Variants in KLHDC4 observed in about 807,000 individuals in gnomAD.
KLHDC4 encodes the protein kelch domain containing 4.
In KLHDC4, 90 loss-of-function variants were observed where a neutral mutation model predicts 62.4. That is an observed-to-expected ratio of 1.44 (90% CI 1.22 to 1.72). The LOEUF is 1.72. Ranked by LOEUF, KLHDC4 falls within the 40% of genes most tolerant of loss-of-function variation. The pLI is 0.00. For synonymous variants in KLHDC4, 386 were observed against 284.4 expected (o/e 1.36, Z -3.59); for missense variants, 1,025 against 699.7 (o/e 1.47, Z -5.25).
intron 5 of KLHDC4, among the ~76,000 whole-genome samples, chr16:87,732,234 T>C (rs2040510034): frequency 6.6e-6 from 1 of 152,050 alleles, no homozygotes; most frequent in Non-Finnish European, 1.5e-5. Flanking sequence ...TACCTGGGAT[T>C]ACAGGTGCCT....
At chr16:87,746,365 GAGAGAGCGAGAA>G (rs1178265362) in intron 5 of KLHDC4, among the ~76,000 whole-genome samples, 1 of 151,980 alleles carries the variant, frequency 6.6e-6, no homozygotes, top group African/African-American at 2.4e-5. Context: ...GAGAAAGAGA[GAGAGAGCGAGAA>G]AGAGAGAAAG....
intron 5 of KLHDC4, among the ~76,000 whole-genome samples, chr16:87,732,003 G>A (rs967150101): frequency 6.6e-6 from 1 of 152,032 alleles, no homozygotes; most frequent in Non-Finnish European, 1.5e-5. Context: ...ATAGCTGCTC[G>A]GGGCAGGAGC....
chr16:87,711,283 C>G lies in KLHDC4; in HGVS notation c.996G>C (p.Leu332=). 6.2e-7 allele frequency: 1 copy of G among 1,614,184 alleles called. No homozygotes were observed. Among genetic ancestry groups the G allele is most frequent in the Non-Finnish European group, 8.5e-7 (1 of 1,180,046 alleles). The change falls in exon 9 of 12, where the codon CTG becomes CTC. Residue 332 remains leucine (L), a synonymous_variant. Coordinates refer to ENST00000270583, the MANE Select transcript of KLHDC4 (RefSeq NM_017566.4). ...GGTTCCTGGTGGCGTCGTAGAAGTA[C>G]AGATCGTTGAAGAACTCGCCCGACA... ...ESLSGEFFND[L]YFYDATRNRW...
chr16:87,765,647 G>A (rs1316108559), intron 1 of KLHDC4, 145 bp downstream of exon 1: 2 of 717,510 alleles, frequency 2.8e-6, no homozygotes, highest in South Asian at 1.9e-5. Flanking sequence ...CGGACGCGGC[G>A]CCGGGGCAGT....
intron 7 of KLHDC4, among the ~76,000 whole-genome samples, chr16:87,715,239 G>A (rs2036707790): frequency 1.3e-5 from 2 of 151,090 alleles, no homozygotes; most frequent in Admixed American, 6.6e-5. Context: ...TCTCATCTTT[G>A]TATTTGTTTG....
chr16:87,707,312 T>TC (rs2034857692), downstream of KLHDC4, among the ~76,000 whole-genome samples: 1 of 152,184 alleles, frequency 6.6e-6, no homozygotes, highest in South Asian at 2.1e-4. Flanking sequence ...CCCTCCAGCC[T>TC]CCCTTCCTGT....
At chr16:87,701,715 G>T (rs775113977) in exon 1 of KLHDC4, 2 of 456,744 alleles carry the variant, frequency 4.4e-6, no homozygotes, top group East Asian at 1.4e-4. Context: ...CTTCTCGTGC[G>T]CCCATGCCAC....
chr16:87,748,237 C>T (rs147055850), intron 5 of KLHDC4, among the ~76,000 whole-genome samples: 19 of 152,324 alleles, frequency 1.2e-4, no homozygotes, highest in Non-Finnish European at 2.1e-4. Flanking sequence ...GAAATGTCAA[C>T]ATCCTTCCTG....
chr16:87,730,657 A>T lies in KLHDC4; in HGVS notation c.507-13T>A. 1 of 1,605,776 alleles carries T rather than the reference A, an allele frequency of 6.2e-7. No individual in the cohort carries two copies. The highest frequency in any genetic ancestry group is 8.5e-7 in the Non-Finnish European group (1 of 1,175,080). ...ACCGCCTGTTGATCTAAAATGAAAT[A>T]AACAAAAAGACACTATCAACCTGCT... On this transcript the variant is annotated splice_polypyrimidine_tract_variant and intron_variant, in intron 5 of 11. Coordinates refer to ENST00000270583, the MANE Select transcript of KLHDC4 (RefSeq NM_017566.4).
At chr16:87,744,352 T>C (rs1296837186) in intron 5 of KLHDC4, among the ~76,000 whole-genome samples, 1 of 149,918 alleles carries the variant, frequency 6.7e-6, no homozygotes, top group African/African-American at 2.4e-5. Flanking sequence ...GAGGTGGAGG[T>C]GGCAGTGAGC....
At chr16:87,719,706 A>C (rs1438927872) in intron 7 of KLHDC4, among the ~76,000 whole-genome samples, 8 of 152,046 alleles carry the variant, frequency 5.3e-5, no homozygotes, top group African/African-American at 1.2e-4. Flanking sequence ...CGGCTACGGT[A>C]AAGTAGTAAA....
At position 87,730,752 on chromosome 16, in the gene KLHDC4, G is replaced by A. The variant is rs963143030; in HGVS notation, c.507-108C>T. 3 of 898,372 alleles carry A rather than the reference G, an allele frequency of 3.3e-6. No homozygotes were observed. In the African/African-American group the frequency reaches 5.0e-5, roughly 15 times the overall value. The allele number at this position is 898,372 out of a possible 1,614,324, so 55.7% of individuals were successfully genotyped here. A position where few individuals can be genotyped will look rare whatever the true frequency, so the allele number is the denominator to read the frequency against. On this transcript the variant is annotated intron_variant, in intron 5 of 11. Transcript: ENST00000270583. ...ATTTTTACACTGATTTCTGTTTTGTGAGCACTTACTGCTCACAAATTAAAT... is the reference window on the plus strand; with the variant it reads ...ATTTTTACACTGATTTCTGTTTTGTAAGCACTTACTGCTCACAAATTAAAT...
rs748030808 is a variant in KLHDC4 at position 87,708,393 on chromosome 16, G to A, written c.1521C>T (p.Val507=). 2.8e-5 allele frequency: 45 copies of A among 1,610,742 alleles called. No homozygotes were observed. The highest frequency in any genetic ancestry group is 1.3e-4 in the East Asian group (6 of 44,826). The change falls in exon 11 of 12, where the codon GTC becomes GTT. Residue 507 remains valine, a synonymous_variant. Coordinates refer to ENST00000270583, the MANE Select transcript of KLHDC4 (RefSeq NM_017566.4). ...SEEVEGAEGG[V]DDEDSGEESG... is the part of the protein sequence containing the mutation. The stretch of plus-strand genomic sequence containing the variant: ...TCTCCTCTCCGCTGTCTTCGTCGTC[G>A]ACCCCACCCTCGGCGCCCTCAACCT...
At chr16:87,762,425 C>G (rs559619230) in intron 1 of KLHDC4, among the ~76,000 whole-genome samples, 6 of 152,180 alleles carry the variant, frequency 3.9e-5, no homozygotes, top group African/African-American at 1.4e-4. Flanking sequence ...CAAGAACTTC[C>G]ACTTAGACAA....
chr16:87,757,967 C>T (rs545521557), intron 2 of KLHDC4, among the ~76,000 whole-genome samples: 2 of 152,254 alleles, frequency 1.3e-5, no homozygotes, highest in Non-Finnish European at 2.9e-5. Flanking sequence ...GACTATCTGG[C>T]GAATCACTGG....
rs528266776 is a variant in KLHDC4, at chr16:87,702,254, G to A, written c.261C>T (p.Gly87=). The change falls in exon 1 of 1, where the codon GGC becomes GGT. Residue 87 remains glycine (G), a synonymous_variant. Transcript: ENST00000446344. ...CTCCTCCACAGTGGCTCTGCCAGGC[G>A]CCGAGTCCATAAAGGGCAGCCACTG... 161 of 456,334 alleles carry A rather than the reference G, an allele frequency of 3.5e-4. 2 individuals are homozygous for A. The highest frequency in any genetic ancestry group is 3.1e-3 in the Admixed American group (131 of 42,596). 28.3% of individuals were successfully genotyped at this position (456,334 alleles called of 1,614,324 possible).
intron 7 of KLHDC4, among the ~76,000 whole-genome samples, chr16:87,716,605 G>A (rs2037040936): frequency 6.6e-6 from 1 of 152,122 alleles, no homozygotes; most frequent in Non-Finnish European, 1.5e-5. Context: ...AGGGAGCCCT[G>A]GTTCCCTTTG....
At chr16:87,757,465 T>TGA (rs1555606110) in intron 2 of KLHDC4, 7 of 131,448 alleles carry the variant, frequency 5.3e-5, no homozygotes, top group Admixed American at 2.3e-4. Flanking sequence ...AGATTCCATC[T>TGA]GAAAAAAAAA....
intron 7 of KLHDC4, among the ~76,000 whole-genome samples, chr16:87,725,694 C>T (rs2039240688): frequency 6.6e-6 from 1 of 152,210 alleles, no homozygotes; most frequent in African/African-American, 2.4e-5. Flanking sequence ...AGGACAGAGC[C>T]TGTGCCAGCC....
Sources: allele counts gnomAD v4.1 joint callset (sites outside exome capture counted in the v4.1 genomes callset), GRCh38; gene constraint gnomAD v4.1.1; transcripts MANE v1.5; gene names NCBI Gene and HGNC (gene_info 2026-07-23, HGNC 2026-07-21).